The following CCDC102B variants were observed in gnomAD, a reference collection of about 807,000 sequenced individuals.
The protein encoded by CCDC102B is coiled-coil domain-containing protein 102B.
In CCDC102B, 75 loss-of-function variants were observed where a neutral mutation model predicts 57.4. That is an observed-to-expected ratio of 1.31 (90% CI 1.08 to 1.58). CCDC102B has a LOEUF of 1.58. Among genes scored for constraint, CCDC102B ranks in the 40% most tolerant of loss-of-function variants. The pLI is 0.00. For missense variants in CCDC102B, 636 were observed against 582.6 expected (o/e 1.09, Z -0.94); for synonymous variants, 206 against 201.9 (o/e 1.02, Z -0.17).
At position 68,853,688 on chromosome 18, in the gene CCDC102B, A is replaced by AAAAAG. The variant is rs1248794319; in HGVS notation, c.936+7271_936+7272insGAAAA. 1.0e-4 allele frequency among the ~76,000 whole-genome samples: 9 copies of AAAAAG among 85,966 alleles called. No individual in the cohort carries two copies. In the Admixed American group the frequency reaches 1.2e-3, roughly 11 times the overall value. 56.4% of individuals were successfully genotyped at this position (85,966 alleles called of 152,430 possible). A position where few individuals can be genotyped will look rare whatever the true frequency, so the allele number is the denominator to read the frequency against. On this transcript the variant is annotated intron_variant, in intron 4 of 7. Transcript: ENST00000360242. Reference sequence around the variant, plus strand: ...CCCAAATTGTAAAAAAAAAAAAAAAAAAAAAAAAAAAAAATCTGACTCAAT... The same window carrying AAAAAG: ...CCCAAATTGTAAAAAAAAAAAAAAAAAAAAGAAAAAAAAAAAAAATCTGACTCAAT...
intron 1 of CCDC102B, among the ~76,000 whole-genome samples, chr18:68,825,743 A>G (rs1167975509): frequency 2.0e-5 from 3 of 152,204 alleles, no homozygotes; most frequent in African/African-American, 7.2e-5. Flanking sequence ...TAAAACTTCA[A>G]GAGGTAAAAA....
intron 1 of CCDC102B, among the ~76,000 whole-genome samples, chr18:68,823,982 A>AT (rs761008822): frequency 3.0e-5 from 4 of 132,566 alleles, no homozygotes; most frequent in Admixed American, 7.9e-5. Flanking sequence ...TTTGTGAATA[A>AT]TTTTTTCCCA....
chr18:68,924,986 C>T (rs1269889360), intron 6 of CCDC102B, among the ~76,000 whole-genome samples: 1 of 151,956 alleles, frequency 6.6e-6, no homozygotes, highest in Non-Finnish European at 1.5e-5. Flanking sequence ...CACAAGTTCC[C>T]AGCTGACACT....
chr18:69,056,865 A>G (rs1207887733), downstream of CCDC102B, among the ~76,000 whole-genome samples: 3 of 152,040 alleles, frequency 2.0e-5, no homozygotes, highest in African/African-American at 4.8e-5. Context: ...GAAATGTTTC[A>G]TCTCAGAAAG....
At chr18:68,822,486 A>C (rs999889615) in intron 1 of CCDC102B, among the ~76,000 whole-genome samples, 3 of 151,734 alleles carry the variant, frequency 2.0e-5, no homozygotes, top group Admixed American at 2.0e-4. Context: ...TGGGCATTTA[A>C]AAACTGTGAT....
At position 69,028,885 on chromosome 18, in the gene CCDC102B, T is replaced by TA. The variant is rs568080593; in HGVS notation, c.1434+17791dup. On this transcript the variant is annotated intron_variant, in intron 7 of 7. Transcript: ENST00000360242. The stretch of plus-strand genomic sequence containing the variant: ...TTCCTTCATGTGTACAGCTCTTTTT[T>TA]AAAAAAAAAACTAGAATTTCCTTTC... Among the ~76,000 whole-genome samples the TA allele has an allele frequency of 3.0e-3, 443 of 149,328 alleles. 2 individuals are homozygous for TA. The highest frequency in any genetic ancestry group is 8.1e-3 in the African/African-American group (330 of 40,820).
intron 2 of CCDC102B, among the ~76,000 whole-genome samples, chr18:68,772,371 C>T (rs2034668851): frequency 6.6e-6 from 1 of 152,158 alleles, no homozygotes; most frequent in African/African-American, 2.4e-5. Flanking sequence ...AAATCATACT[C>T]AGCAACATAT....
At chr18:68,905,885 C>T (rs1460527017) in intron 6 of CCDC102B, among the ~76,000 whole-genome samples, 2 of 140,646 alleles carry the variant, frequency 1.4e-5, no homozygotes, top group Non-Finnish European at 1.5e-5. Flanking sequence ...GCTCCGCCTC[C>T]CGGGTTCACG....
intron 2 of CCDC102B, among the ~76,000 whole-genome samples, chr18:68,765,525 TAGAAAG>T (rs999601810): frequency 6.6e-6 from 1 of 151,514 alleles, no homozygotes; most frequent in Non-Finnish European, 1.5e-5. Flanking sequence ...GAGAAAGAAA[TAGAAAG>T]AGAAAATAAG....
In CCDC102B at chr18:68,765,293, AAAGGAAGGAAGGAAGGAAGGAAGG is replaced by A. The variant is rs149557152; in HGVS notation, c.-67+48710_-67+48733del. Among the ~76,000 whole-genome samples the A allele has an allele frequency of 6.1e-3, 635 of 104,186 alleles. 11 individuals are homozygous for A. Among genetic ancestry groups the A allele is most frequent in the African/African-American group, 0.024 (605 of 25,496 alleles). The allele number at this position is 104,186 out of a possible 152,430, so 68.4% of individuals were successfully genotyped here. ...AGAAAGAGAAAGAAAGAAAAGAAAG[AAAGGAAGGAAGGAAGGAAGGAAGG>A]AAGGAAGGAAAGAAAGAAAGAAAGA... is the stretch of plus-strand genomic sequence containing the variant. On this transcript the variant is annotated intron_variant, in intron 2 of 3. Coordinates refer to the CCDC102B transcript ENST00000578970.
At chr18:68,880,761 T>G (rs2039666364) in intron 5 of CCDC102B, among the ~76,000 whole-genome samples, 1 of 152,130 alleles carries the variant, frequency 6.6e-6, no homozygotes, top group Admixed American at 6.5e-5. Flanking sequence ...TTAAATAGCT[T>G]CCATAAATTT....
At chr18:68,737,054 A>G (rs1461792540) in intron 2 of CCDC102B, among the ~76,000 whole-genome samples, 2 of 151,786 alleles carry the variant, frequency 1.3e-5, no homozygotes, top group African/African-American at 4.8e-5. Flanking sequence ...CCCCCAATTC[A>G]GTTATTGGCT....
intron 2 of CCDC102B, among the ~76,000 whole-genome samples, chr18:68,727,672 A>G (rs1477203026): frequency 2.0e-5 from 3 of 152,198 alleles, no homozygotes; most frequent in Non-Finnish European, 2.9e-5. Context: ...ATACATGGCA[A>G]TTGGCCTGGT....
chr18:68,936,111 A>T (rs2145153467), intron 6 of CCDC102B, among the ~76,000 whole-genome samples: 1 of 152,066 alleles, frequency 6.6e-6, no homozygotes, highest in African/African-American at 2.4e-5. Flanking sequence ...AATTATCTAA[A>T]GGCTCTGTGT....
At chr18:68,823,959 G>C (rs1446757374) in intron 1 of CCDC102B, among the ~76,000 whole-genome samples, 1 of 150,416 alleles carries the variant, frequency 6.6e-6, no homozygotes, top group Non-Finnish European at 1.5e-5. Flanking sequence ...TCAGACCTTT[G>C]CTGGATGCGT....
chr18:69,042,546 C>T (rs1019840554), intron 7 of CCDC102B, among the ~76,000 whole-genome samples: 1 of 152,016 alleles, frequency 6.6e-6, no homozygotes, highest in Non-Finnish European at 1.5e-5. Flanking sequence ...TCGTGGTGAT[C>T]TTTAAAAAGA....
chr18:68,820,562 C>G lies in CCDC102B; in HGVS notation c.-15-16187C>G, dbSNP rs2036653811. Among the ~76,000 whole-genome samples, 3 of 152,054 alleles carry G rather than the reference C, an allele frequency of 2.0e-5. 1 individual carries two copies. The highest frequency in any genetic ancestry group is 7.2e-5 in the African/African-American group (3 of 41,434). ...CATAAAATGAGTTGGCATGTGTTAA[C>G]TCTTTTTTCCTTATCTGGAAAAGTT... On this transcript the variant is annotated intron_variant, in intron 1 of 7. Transcript: ENST00000360242.
intron 4 of CCDC102B, among the ~76,000 whole-genome samples, chr18:68,869,836 AT>A (rs770688059): frequency 4.0e-5 from 6 of 149,856 alleles, no homozygotes; most frequent in East Asian, 2.0e-4. Flanking sequence ...GTTTTCTTCT[AT>A]TTTTTTTTAT....
chr18:68,732,635 C>T (rs569355416), intron 2 of CCDC102B, among the ~76,000 whole-genome samples: 3 of 152,310 alleles, frequency 2.0e-5, no homozygotes, highest in African/African-American at 7.2e-5. Flanking sequence ...GCATGACCCA[C>T]AGCGCCCGGC....
Sources: allele counts gnomAD v4.1 joint callset (sites outside exome capture counted in the v4.1 genomes callset), GRCh38; gene constraint gnomAD v4.1.1; transcripts MANE v1.5; gene names NCBI Gene and HGNC (gene_info 2026-07-23, HGNC 2026-07-21).